The following ADGRB3 variants were observed in gnomAD, a reference collection of about 807,000 sequenced individuals.
The protein encoded by ADGRB3 is brain-specific angiogenesis inhibitor 3.
A neutral mutation model predicts 193.4 loss-of-function variants in ADGRB3; 37 were observed. The observed-to-expected ratio is 0.19, with a 90% CI of 0.15 to 0.25. The LOEUF (loss-of-function observed/expected upper bound fraction) is 0.25, where lower values mean the gene tolerates loss of function less well. ADGRB3 is among the 10% of genes least tolerant of loss of function. The pLI is 1.00. For missense variants in ADGRB3, 1,637 were observed against 1,852.9 expected (o/e 0.88, Z 2.14); for synonymous variants, 690 against 644.2 (o/e 1.07, Z -1.08).
At chr6:69,031,275 C>T (rs1030637119) in intron 13 of ADGRB3, among the ~76,000 whole-genome samples, 84 of 151,384 alleles carry the variant, frequency 5.5e-4, no homozygotes, top group African/African-American at 1.9e-3. Flanking sequence ...CCAGTCTCTA[C>T]TAAAAATACA....
intron 17 of ADGRB3, among the ~76,000 whole-genome samples, chr6:69,134,800 CATT>C (rs1160946258): frequency 6.6e-6 from 1 of 151,382 alleles, no homozygotes; most frequent in African/African-American, 2.4e-5. Flanking sequence ...ATAATTTCAA[CATT>C]ATATGCAATA....
intron 20 of ADGRB3, among the ~76,000 whole-genome samples, chr6:69,318,598 T>C (rs1418302783): frequency 1.3e-5 from 2 of 151,422 alleles, no homozygotes; most frequent in Non-Finnish European, 3.0e-5. Flanking sequence ...TTCTAATCTT[T>C]CTCTTTGACC....
At position 68,903,758 on chromosome 6, in the gene ADGRB3, T is replaced by C. The variant is rs1295801943; in HGVS notation, c.758-26801T>C. Among the ~76,000 whole-genome samples, 7 of 151,638 alleles carry C rather than the reference T, an allele frequency of 4.6e-5. No homozygotes were observed. The East Asian group carries it at 1.4e-3, about 30-fold the overall frequency. On this transcript the variant is annotated intron_variant, in intron 3 of 31. Coordinates refer to ENST00000370598, the MANE Select transcript of ADGRB3 (RefSeq NM_001704.3). ...AGCAGTGGTCATGCCTGAAATCCCATCGCTTTGAGTGGGAAGCCGAGGTGA... is the reference window on the plus strand; with the variant it reads ...AGCAGTGGTCATGCCTGAAATCCCACCGCTTTGAGTGGGAAGCCGAGGTGA...
chr6:68,981,032 A>T (rs1768894990), intron 10 of ADGRB3, among the ~76,000 whole-genome samples: 1 of 151,546 alleles, frequency 6.6e-6, no homozygotes, highest in Admixed American at 6.6e-5. Flanking sequence ...ATATACATGT[A>T]TTTCTAACTA....
intron 16 of ADGRB3, among the ~76,000 whole-genome samples, chr6:69,069,284 G>A (rs910441354): frequency 6.6e-6 from 1 of 151,652 alleles, no homozygotes; most frequent in African/African-American, 2.4e-5. Context: ...ACTCTTTAAG[G>A]GACTGTAGAA....
At chr6:68,657,888 A>G (rs1389119940) in intron 3 of ADGRB3, among the ~76,000 whole-genome samples, 2 of 151,328 alleles carry the variant, frequency 1.3e-5, no homozygotes, top group African/African-American at 2.4e-5. Flanking sequence ...TTAACCCCAA[A>G]TGTATAAACT....
chr6:68,720,351 A>G (rs1018728670), intron 3 of ADGRB3, among the ~76,000 whole-genome samples: 4 of 151,748 alleles, frequency 2.6e-5, no homozygotes, highest in African/African-American at 9.7e-5. Context: ...GATCTGCAAG[A>G]ACACCCCTCA....
chr6:68,751,347 T>C (rs1024935243), intron 3 of ADGRB3, among the ~76,000 whole-genome samples: 1 of 152,118 alleles, frequency 6.6e-6, no homozygotes, highest in African/African-American at 2.4e-5. Flanking sequence ...TATGCCCACC[T>C]ACCCTTTTCC....
chr6:68,816,835 C>T (rs183486795), intron 3 of ADGRB3, among the ~76,000 whole-genome samples: 10 of 152,124 alleles, frequency 6.6e-5, no homozygotes, highest in African/African-American at 2.2e-4. Context: ...TTTTAAAATT[C>T]CTTTTAATGG....
intron 6 of ADGRB3, among the ~76,000 whole-genome samples, chr6:68,945,580 G>A (rs1444805869): frequency 6.6e-6 from 1 of 151,958 alleles, no homozygotes; most frequent in Non-Finnish European, 1.5e-5. Flanking sequence ...TCCATGAAGT[G>A]CAAAGAAATA....
At chr6:69,245,055 C>A (rs1766468309) in intron 20 of ADGRB3, among the ~76,000 whole-genome samples, 1 of 152,058 alleles carries the variant, frequency 6.6e-6, no homozygotes, top group African/African-American at 2.4e-5. Flanking sequence ...AATGCCTTTT[C>A]TGTAGTCTCC....
At chr6:68,716,635 G>T (rs1374001238) in intron 3 of ADGRB3, among the ~76,000 whole-genome samples, 3 of 151,450 alleles carry the variant, frequency 2.0e-5, no homozygotes, top group African/African-American at 7.3e-5. Flanking sequence ...CCAGTGGTAG[G>T]AGTATTTACA....
At chr6:68,890,954 G>T (rs900598948) in intron 3 of ADGRB3, among the ~76,000 whole-genome samples, 1 of 152,180 alleles carries the variant, frequency 6.6e-6, no homozygotes, top group African/African-American at 2.4e-5. Flanking sequence ...TGAACTAAAT[G>T]TAGGAATAGT....
chr6:68,794,781 G>C (rs2127368105), intron 3 of ADGRB3, among the ~76,000 whole-genome samples: 1 of 152,162 alleles, frequency 6.6e-6, no homozygotes, highest in Admixed American at 6.5e-5. Context: ...GATTTTGGAA[G>C]TATTTGACTT....
At chr6:69,011,532 G>A (rs1247963208) in intron 11 of ADGRB3, among the ~76,000 whole-genome samples, 3 of 151,898 alleles carry the variant, frequency 2.0e-5, no homozygotes, top group Non-Finnish European at 4.4e-5. Flanking sequence ...ACTGGCTACT[G>A]TGCTTAGTAC....
chr6:69,138,938 A>T (rs1015614960), intron 17 of ADGRB3, among the ~76,000 whole-genome samples: 1 of 152,232 alleles, frequency 6.6e-6, no homozygotes, highest in Non-Finnish European at 1.5e-5. Flanking sequence ...TAGCTAGTGC[A>T]TGACTCTATT....
chr6:69,214,207 T>C lies in ADGRB3; in HGVS notation c.2481-19083T>C, dbSNP rs567320850. ...ATGGACAGGAATATGCAGGAGGAAT[T>C]TGAAAACTCGTTAGTTCCCTTTTTG... On this transcript the variant is annotated intron_variant, in intron 17 of 31. Coordinates refer to ENST00000370598, the MANE Select transcript of ADGRB3 (RefSeq NM_001704.3). Among the ~76,000 whole-genome samples the C allele has an allele frequency of 1.8e-4, 27 of 152,270 alleles. No homozygotes were observed. In the East Asian group the frequency reaches 3.7e-3, roughly 21 times the overall value.
At chr6:68,848,480 G>A (rs1768332152) in intron 3 of ADGRB3, among the ~76,000 whole-genome samples, 1 of 152,004 alleles carries the variant, frequency 6.6e-6, no homozygotes. Context: ...TGACTTGGGA[G>A]TGAAAAGTCA....
intron 6 of ADGRB3, among the ~76,000 whole-genome samples, chr6:68,954,664 T>C (rs551102685): frequency 3.5e-4 from 53 of 151,710 alleles, no homozygotes; most frequent in Admixed American, 2.9e-3. Context: ...TATTATGTAT[T>C]ATTTAAATCG....
Sources: allele counts gnomAD v4.1 joint callset (sites outside exome capture counted in the v4.1 genomes callset), GRCh38; gene constraint gnomAD v4.1.1; transcripts MANE v1.5; gene names NCBI Gene and HGNC (gene_info 2026-07-23, HGNC 2026-07-21).